Variants in BLVRA observed in about 807,000 individuals in gnomAD.
The protein encoded by BLVRA is biliverdin reductase A, also known as BVR A.
Under a neutral mutation model 32.8 loss-of-function variants are expected in BLVRA, and 22 were observed. That is an observed-to-expected ratio of 0.67 (90% CI 0.48 to 0.96). The LOEUF (loss-of-function observed/expected upper bound fraction) is 0.96, where lower values mean the gene tolerates loss of function less well. Ranked by LOEUF, BLVRA falls within the 40% of genes least tolerant of loss-of-function variation. BLVRA has a pLI of 0.00. For missense variants in BLVRA, 323 were observed against 358.1 expected, an observed-to-expected ratio of 0.90 and a Z score of 0.79; for synonymous variants, 119 against 141.3, an observed-to-expected ratio of 0.84 and a Z score of 1.12.
At chr7:43,792,230 G>A (rs2095786944) in intron 4 of BLVRA, among the ~76,000 whole-genome samples, 1 of 152,114 alleles carries the variant, frequency 6.6e-6, no homozygotes, top group Non-Finnish European at 1.5e-5. Flanking sequence ...AAATGCCCAA[G>A]CCCCTGCATA....
At chr7:43,776,834 G>T (rs1207055507) in intron 2 of BLVRA, among the ~76,000 whole-genome samples, 2 of 151,940 alleles carry the variant, frequency 1.3e-5, no homozygotes, top group African/African-American at 2.4e-5. Flanking sequence ...TCCTGTATTG[G>T]GTGCATATAT....
intron 3 of BLVRA, among the ~76,000 whole-genome samples, chr7:43,788,854 G>T (rs2095781771): frequency 6.6e-6 from 1 of 150,976 alleles, no homozygotes; most frequent in Admixed American, 6.6e-5. Flanking sequence ...GCCTAGACTG[G>T]TCTCAAACTC....
intron 1 of BLVRA, among the ~76,000 whole-genome samples, chr7:43,762,827 G>A (rs1412275799): frequency 6.6e-6 from 1 of 151,944 alleles, no homozygotes; most frequent in Non-Finnish European, 1.5e-5. Flanking sequence ...GGCCAGGATG[G>A]TCTCGATCTC....
chr7:43,771,526 T>C (rs150466344), intron 2 of BLVRA, among the ~76,000 whole-genome samples: 1 of 152,314 alleles, frequency 6.6e-6, no homozygotes, highest in East Asian at 1.9e-4. Flanking sequence ...TCACTTCCAG[T>C]TCTTTGATGC....
chr7:43,791,687 T>C (rs1019446339), intron 4 of BLVRA: 2 of 314,118 alleles, frequency 6.4e-6, no homozygotes, highest in African/African-American at 4.3e-5. Context: ...CTCCTTCTTC[T>C]CACCAGACAG....
chr7:43,798,197 CA>C (rs56855757), intron 5 of BLVRA, among the ~76,000 whole-genome samples: 7,733 of 44,726 alleles, frequency 0.17, 336 homozygotes, highest in Admixed American at 0.22. Flanking sequence ...CCCCATCTCA[CA>C]AAAAAAAAAA....
intron 2 of BLVRA, among the ~76,000 whole-genome samples, chr7:43,776,594 G>A (rs1415547807): frequency 3.3e-5 from 5 of 152,126 alleles, no homozygotes. Context: ...GGTCTGGTGT[G>A]GTGCCGAAAA....
intron 1 of BLVRA, among the ~76,000 whole-genome samples, chr7:43,767,114 C>T (rs1462888462): frequency 6.6e-6 from 1 of 152,204 alleles, no homozygotes; most frequent in Non-Finnish European, 1.5e-5. Context: ...CTCTCCACAT[C>T]CTTTCGTTTG....
At chr7:43,801,565 A>T (rs1026671513) in intron 6 of BLVRA, among the ~76,000 whole-genome samples, 3 of 152,212 alleles carry the variant, frequency 2.0e-5, no homozygotes, top group African/African-American at 7.2e-5. Flanking sequence ...ATCTGTCTTC[A>T]TCCTTGAAAA....
At chr7:43,779,058 AC>A (rs1238186824) in intron 2 of BLVRA, among the ~76,000 whole-genome samples, 1 of 152,062 alleles carries the variant, frequency 6.6e-6, no homozygotes, top group Non-Finnish European at 1.5e-5. Flanking sequence ...GCTGTCTGTC[AC>A]CCCTTTCTTT....
At chr7:43,779,411 A>G (rs2095766053) in intron 2 of BLVRA, among the ~76,000 whole-genome samples, 1 of 152,202 alleles carries the variant, frequency 6.6e-6, no homozygotes, top group South Asian at 2.1e-4. Context: ...CTTTTCCCAT[A>G]TTATATACCG....
chr7:43,772,771 C>A (rs759535632), intron 2 of BLVRA, among the ~76,000 whole-genome samples: 1 of 152,168 alleles, frequency 6.6e-6, no homozygotes, highest in African/African-American at 2.4e-5. Flanking sequence ...CATCAGATCT[C>A]GTGAGAACTC....
At chr7:43,770,200 G>C (rs1445365219) in intron 1 of BLVRA, among the ~76,000 whole-genome samples, 1 of 152,182 alleles carries the variant, frequency 6.6e-6, no homozygotes, top group African/African-American at 2.4e-5. Context: ...CAGGTGGAGG[G>C]GCTGGAGAGG....
At chr7:43,762,296 A>G (rs555423717) in intron 1 of BLVRA, among the ~76,000 whole-genome samples, 8 of 152,062 alleles carry the variant, frequency 5.3e-5, no homozygotes, top group African/African-American at 1.9e-4. Flanking sequence ...GCCTTTCCCT[A>G]CTAGATGCCA....
At chr7:43,795,632 C>G (rs1248348787) in intron 5 of BLVRA, among the ~76,000 whole-genome samples, 1 of 152,134 alleles carries the variant, frequency 6.6e-6, no homozygotes, top group Non-Finnish European at 1.5e-5. Context: ...AACATCCTAA[C>G]TTTACATTTC....
At chr7:43,795,035 A>C (rs2095790215) in intron 5 of BLVRA, among the ~76,000 whole-genome samples, 2 of 151,374 alleles carry the variant, frequency 1.3e-5, no homozygotes, top group African/African-American at 4.9e-5. Flanking sequence ...ACATGGTGAA[A>C]CTCCGTCTCT....
chr7:43,797,276 T>C lies in BLVRA; in HGVS notation c.353-3189T>C, dbSNP rs956002586. On this transcript the variant is annotated intron_variant, in intron 5 of 7. Coordinates refer to ENST00000265523, the MANE Select transcript of BLVRA (RefSeq NM_000712.4). ...CTAATTTTTGTATTTTTAGCAGAGA[T>C]GGGGTTTCGCCATGTTGGCCAGGCT... Among the ~76,000 whole-genome samples, 7 of 152,196 alleles carry C rather than the reference T, an allele frequency of 4.6e-5. No individual in the cohort carries two copies. The South Asian group carries it at 6.2e-4, about 13-fold the overall frequency.
At chr7:43,786,622 C>T (rs1402452285) in intron 2 of BLVRA, among the ~76,000 whole-genome samples, 2 of 152,320 alleles carry the variant, frequency 1.3e-5, no homozygotes, top group East Asian at 3.9e-4. Flanking sequence ...AGGTAGACCA[C>T]ATCCCGTATC....
intron 1 of BLVRA, among the ~76,000 whole-genome samples, chr7:43,765,721 G>A (rs1486468207): frequency 6.6e-6 from 1 of 152,100 alleles, no homozygotes; most frequent in Non-Finnish European, 1.5e-5. Context: ...GAGAGAACTT[G>A]AATTACCAGG....
Sources: gnomAD v4.1 joint callset for allele counts (sites outside exome capture counted in the v4.1 genomes callset) on GRCh38, gnomAD v4.1.1 for gene constraint, MANE v1.5 for transcripts, NCBI Gene and HGNC (gene_info 2026-07-23, HGNC 2026-07-21) for gene names.